Variants in E2F5 observed in about 807,000 individuals in gnomAD.
The protein encoded by E2F5 is E2F transcription factor 5.
In E2F5, 23 loss-of-function variants were observed where a neutral mutation model predicts 39.1. The ratio of observed to expected loss-of-function variants is 0.59; its 90% CI spans 0.42 to 0.83. The LOEUF (loss-of-function observed/expected upper bound fraction) is 0.83, where lower values mean the gene tolerates loss of function less well. Ranked by LOEUF, E2F5 falls within the 40% of genes least tolerant of loss-of-function variation. The pLI is 0.00. For missense variants in E2F5, 365 were observed against 406.7 expected, an observed-to-expected ratio of 0.90 and a Z score of 0.88; for synonymous variants, 145 against 157.8, an observed-to-expected ratio of 0.92 and a Z score of 0.61.
At position 85,202,275 on chromosome 8, in the gene E2F5, C is replaced by T. The variant is rs774093073; in HGVS notation, c.344+19C>T. On this transcript the variant is annotated intron_variant, in intron 2 of 7. Transcript: ENST00000416274. Reference sequence around the variant, plus strand: ...AGTGGAAGTAAGTTACAAACCAGCACCCTCTTCTGAAACCTTTTTTCTTCT... The same window carrying T: ...AGTGGAAGTAAGTTACAAACCAGCATCCTCTTCTGAAACCTTTTTTCTTCT... 6.6e-7 allele frequency: 1 copy of T among 1,511,770 alleles called. No individual in the cohort carries two copies. Among genetic ancestry groups the T allele is most frequent in the Non-Finnish European group, 8.9e-7 (1 of 1,124,736 alleles). The allele number at this position is 1,511,770 out of a possible 1,614,324, so 93.6% of individuals were successfully genotyped here. A position where few individuals can be genotyped will look rare whatever the true frequency, so the allele number is the denominator to read the frequency against.
rs1437517871 is a variant in E2F5, at chr8:85,177,519, G to A, written c.99G>A (p.Pro33=). Residue 33 remains proline (P), a synonymous_variant, in exon 1 of 8, where the codon CCG becomes CCA. Coordinates refer to ENST00000416274, the MANE Select transcript of E2F5 (RefSeq NM_001951.4). ...CGCAGCCTCCGCAGGCGCAAGCCCCGCAGCCGCCCCCGCCGCCGCAGCTCG... is the reference window on the plus strand; with the variant it reads ...CGCAGCCTCCGCAGGCGCAAGCCCCACAGCCGCCCCCGCCGCCGCAGCTCG... ...PPPQPPQAQA[P]QPPPPPQLGG... 2.7e-6 allele frequency: 3 copies of A among 1,125,550 alleles called. No homozygotes were observed. Among genetic ancestry groups the A allele is most frequent in the East Asian group, 9.2e-5 (2 of 21,724 alleles). 69.7% of individuals were successfully genotyped at this position (1,125,550 alleles called of 1,614,324 possible).
chr8:85,180,327 G>C (rs1812174603), intron 1 of E2F5, among the ~76,000 whole-genome samples: 1 of 151,606 alleles, frequency 6.6e-6, no homozygotes, highest in Non-Finnish European at 1.5e-5. Flanking sequence ...AGCCCATTAA[G>C]ACATGTTTGA....
At chr8:85,207,566 A>G in intron 5 of E2F5, 77 bp downstream of exon 5, 2 of 1,218,924 alleles carry the variant, frequency 1.6e-6, no homozygotes, top group Non-Finnish European at 2.3e-6. Context: ...TCTTTAGCTG[A>G]ATGTGAGCTA....
chr8:85,206,262 C>A, intron 4 of E2F5, 42 bp downstream of exon 4: 1 of 1,573,102 alleles, frequency 6.4e-7, no homozygotes, highest in Non-Finnish European at 8.7e-7. Context: ...TCCTCTCAAC[C>A]TATTTAGTGG....
intron 1 of E2F5, among the ~76,000 whole-genome samples, chr8:85,180,776 T>C (rs1399232683): frequency 6.6e-6 from 1 of 151,412 alleles, no homozygotes; most frequent in African/African-American, 2.4e-5. Flanking sequence ...AGACGGGGTT[T>C]CACCATGTTA....
chr8:85,212,300 C>A, intron 7 of E2F5, 96 bp downstream of exon 7: 1 of 905,818 alleles, frequency 1.1e-6, no homozygotes, highest in Non-Finnish European at 1.7e-6. Context: ...CATATATTTG[C>A]TACCTGCTTT....
chr8:85,202,957 T>A (rs1563981645), intron 2 of E2F5, 137 bp from the exon 3 acceptor site: 2 of 607,382 alleles, frequency 3.3e-6, no homozygotes, highest in Non-Finnish European at 4.8e-6. Context: ...TTTTAAGGAT[T>A]TTAGTGCTTG....
chr8:85,214,387 C>T lies in E2F5; in HGVS notation c.*525C>T. On this transcript the variant is annotated 3_prime_UTR_variant, in exon 8 of 8. Coordinates refer to ENST00000416274, the MANE Select transcript of E2F5 (RefSeq NM_001951.4). ...CTGTTTTAGCACTTTAAGTTTATCA[C>T]ATTTTGTTGACTTCTGACATTCCAC... 1.6e-6 allele frequency: 1 copy of T among 618,208 alleles called. No homozygotes were observed. 38.3% of individuals were successfully genotyped at this position (618,208 alleles called of 1,614,324 possible).
intron 6 of E2F5, among the ~76,000 whole-genome samples, chr8:85,211,472 G>C (rs1383025239): frequency 1.3e-5 from 2 of 152,004 alleles, no homozygotes; most frequent in African/African-American, 4.8e-5. Flanking sequence ...ATAACGAACA[G>C]ATTTGAGAAA....
intron 7 of E2F5, 160 bp from the exon 8 acceptor site, chr8:85,213,593 A>G: frequency 2.4e-6 from 1 of 412,280 alleles, no homozygotes. Flanking sequence ...TCAATCTAAT[A>G]TCAATATTCA....
chr8:85,192,780 G>C (rs1190629060), intron 1 of E2F5, among the ~76,000 whole-genome samples: 2 of 152,222 alleles, frequency 1.3e-5, no homozygotes, highest in Non-Finnish European at 2.9e-5. Context: ...TCCAGTAGCA[G>C]CATATGATTG....
intron 4 of E2F5, 96 bp downstream of exon 4, chr8:85,206,316 T>G (rs2129739277): frequency 1.6e-6 from 2 of 1,272,356 alleles, no homozygotes; most frequent in Middle Eastern, 1.9e-4. Context: ...GTCATTATTT[T>G]CAGAAGTTGT....
intron 5 of E2F5, 104 bp downstream of exon 5, chr8:85,207,593 GAGTT>G: frequency 1.1e-6 from 1 of 877,770 alleles, no homozygotes; most frequent in Non-Finnish European, 1.7e-6. Context: ...TAAACACTGT[GAGTT>G]AGTCAAGTTT....
intron 1 of E2F5, among the ~76,000 whole-genome samples, chr8:85,193,578 A>G (rs1225271221): frequency 6.6e-6 from 1 of 152,222 alleles, no homozygotes; most frequent in Non-Finnish European, 1.5e-5. Flanking sequence ...CACCTCAACC[A>G]GATGTGGAAC....
intron 1 of E2F5, among the ~76,000 whole-genome samples, chr8:85,199,492 C>T (rs1419183343): frequency 1.3e-5 from 2 of 152,088 alleles, no homozygotes; most frequent in African/African-American, 4.8e-5. Flanking sequence ...AGACCCAGAA[C>T]CAAGCCTGGA....
intron 1 of E2F5, among the ~76,000 whole-genome samples, chr8:85,180,506 C>CTATATATA (rs1812181927): frequency 2.6e-4 from 16 of 62,466 alleles, no homozygotes; most frequent in Admixed American, 5.0e-4. Flanking sequence ...GTTAAAGAAA[C>CTATATATA]TATACATATA....
intron 1 of E2F5, among the ~76,000 whole-genome samples, chr8:85,198,705 C>T (rs982621346): frequency 2.0e-5 from 3 of 152,228 alleles, no homozygotes; most frequent in African/African-American, 7.2e-5. Context: ...GGACCTTAAA[C>T]TTCCCCAGAG....
At chr8:85,209,092 G>T in intron 5 of E2F5, 50 bp from the exon 6 acceptor site, 2 of 1,571,330 alleles carry the variant, frequency 1.3e-6, no homozygotes, top group Non-Finnish European at 8.7e-7. Context: ...TCTTAAGTTA[G>T]CTAGAAATGT....
intron 1 of E2F5, among the ~76,000 whole-genome samples, chr8:85,189,624 C>A (rs1396049190): frequency 6.6e-6 from 1 of 152,182 alleles, no homozygotes; most frequent in Non-Finnish European, 1.5e-5. Flanking sequence ...CCGCCTCAGT[C>A]TCTGAAAGTG....
Sources: allele counts gnomAD v4.1 joint callset (sites outside exome capture counted in the v4.1 genomes callset), GRCh38; gene constraint gnomAD v4.1.1; transcripts MANE v1.5; gene names NCBI Gene and HGNC (gene_info 2026-07-23, HGNC 2026-07-21).